Variants in TCF4 observed in about 807,000 individuals in gnomAD.
The protein encoded by TCF4 is SL3-3 enhancer factor 2.
Under a neutral mutation model 82.1 loss-of-function variants are expected in TCF4, and 3 were observed. The ratio of observed to expected loss-of-function variants is 0.04; its 90% CI spans 0.02 to 0.09. The LOEUF (loss-of-function observed/expected upper bound fraction) is 0.09, where lower values mean the gene tolerates loss of function less well. Ranked by LOEUF, TCF4 falls within the 10% of genes least tolerant of loss-of-function variation. TCF4 has a pLI of 1.00. For synonymous variants in TCF4, 276 were observed against 309.6 expected, an observed-to-expected ratio of 0.89 and a Z score of 1.14; for missense variants, 518 against 852.7, an observed-to-expected ratio of 0.61 and a Z score of 4.89.
At chr18:55,545,749 G>A (rs954119518) in intron 3 of TCF4, among the ~76,000 whole-genome samples, 4 of 151,846 alleles carry the variant, frequency 2.6e-5, no homozygotes, top group Non-Finnish European at 4.4e-5. Flanking sequence ...CACGCCCGGC[G>A]CCATTCACTT....
chr18:55,336,013 T>TGG (rs767481469), intron 8 of TCF4, among the ~76,000 whole-genome samples: 20 of 151,874 alleles, frequency 1.3e-4, no homozygotes, highest in Non-Finnish European at 2.5e-4. Context: ...AAAAGCCAGT[T>TGG]GGTCTACTTT....
At chr18:55,292,564 A>C (rs1435658712) in intron 8 of TCF4, among the ~76,000 whole-genome samples, 2 of 152,178 alleles carry the variant, frequency 1.3e-5, no homozygotes, top group Non-Finnish European at 2.9e-5. Flanking sequence ...AGGTTAAAAG[A>C]AGCAAGGAAT....
chr18:55,298,678 C>T (rs1008299682), intron 8 of TCF4, among the ~76,000 whole-genome samples: 27 of 152,196 alleles, frequency 1.8e-4, no homozygotes, highest in African/African-American at 6.0e-4. Flanking sequence ...CAAATAGCTA[C>T]TACTAAAACA....
At chr18:55,238,958 G>A (rs2144857225) in intron 15 of TCF4, among the ~76,000 whole-genome samples, 1 of 152,286 alleles carries the variant, frequency 6.6e-6, no homozygotes, top group Non-Finnish European at 1.5e-5. Context: ...AGCTACAAAC[G>A]AGGAAGGGGG....
chr18:55,295,548 C>T (rs2066282658), intron 8 of TCF4, among the ~76,000 whole-genome samples: 2 of 152,144 alleles, frequency 1.3e-5, no homozygotes, highest in Admixed American at 6.5e-5. Flanking sequence ...GCTTCTCTGA[C>T]TCTAAGTTTT....
At position 55,422,063 on chromosome 18, in the gene TCF4, C is replaced by A. The variant is rs188358218; in HGVS notation, c.305-18545G>T. On this transcript the variant is annotated intron_variant, in intron 5 of 19. Transcript: ENST00000354452. ...ATGGGCACATTCTCAAACTCTTACA[C>A]TAAACCACAAAGGGAATAGATTAAA... 1.1e-3 allele frequency: 544 copies of A among 473,954 alleles called. 1 individual carries two copies. The highest frequency in any genetic ancestry group is 1.3e-3 in the Non-Finnish European group (498 of 391,750). The allele number at this position is 473,954 out of a possible 1,614,324, so 29.4% of individuals were successfully genotyped here.
intron 18 of TCF4, 129 bp from the exon 19 acceptor site, chr18:55,228,490 T>A: frequency 3.0e-6 from 4 of 1,328,976 alleles, no homozygotes; most frequent in Non-Finnish European, 3.2e-6. Flanking sequence ...GAACAGTTAC[T>A]AAGTACTGTG....
chr18:55,279,515 C>T, intron 9 of TCF4, 36 bp downstream of exon 9: 1 of 1,613,272 alleles, frequency 6.2e-7, no homozygotes, highest in Non-Finnish European at 8.5e-7. Context: ...AAAATGCTAT[C>T]CAGTGGCCTT....
intron 17 of TCF4, 183 bp from the exon 18 acceptor site, chr18:55,229,259 C>T: frequency 1.5e-6 from 1 of 672,730 alleles, no homozygotes; most frequent in South Asian, 1.7e-5. Flanking sequence ...TCACAATACA[C>T]AAGATATTTG....
intron 15 of TCF4, among the ~76,000 whole-genome samples, chr18:55,239,568 G>A (rs1254671101): frequency 2.6e-5 from 4 of 152,020 alleles, no homozygotes; most frequent in African/African-American, 7.2e-5. Context: ...ATATATATAC[G>A]TACATATATA....
chr18:55,424,486 C>A (rs188005858), intron 5 of TCF4, among the ~76,000 whole-genome samples: 3 of 152,310 alleles, frequency 2.0e-5, no homozygotes, highest in African/African-American at 7.2e-5. Context: ...ACTCAGAATT[C>A]CTAACTCACA....
intron 5 of TCF4, among the ~76,000 whole-genome samples, chr18:55,424,463 C>A (rs28621717): frequency 0.014 from 2,126 of 152,300 alleles, 69 homozygotes; most frequent in African/African-American, 0.047. Context: ...TAGGGACAGG[C>A]TCCCTGCTTT....
chr18:55,595,401 G>A (rs1248824096), intron 2 of TCF4, among the ~76,000 whole-genome samples: 1 of 152,132 alleles, frequency 6.6e-6, no homozygotes, highest in African/African-American at 2.4e-5. Context: ...TTCAGTGCAT[G>A]TTCCCCCTTT....
chr18:55,591,751 A>T (rs1379635997), upstream of TCF4, among the ~76,000 whole-genome samples: 1 of 152,150 alleles, frequency 6.6e-6, no homozygotes, highest in African/African-American at 2.4e-5. Flanking sequence ...CCCTGACCTC[A>T]GGTGGTCTGC....
chr18:55,539,065 G>C (rs1461116693), intron 3 of TCF4, among the ~76,000 whole-genome samples: 2 of 151,512 alleles, frequency 1.3e-5, no homozygotes, highest in African/African-American at 4.8e-5. Flanking sequence ...AAAAAGCCTG[G>C]ATAAAACATG....
At chr18:55,518,377 A>C (rs1296811274) in intron 3 of TCF4, among the ~76,000 whole-genome samples, 1 of 152,208 alleles carries the variant, frequency 6.6e-6, no homozygotes, top group Non-Finnish European at 1.5e-5. Flanking sequence ...AGAAAATAGA[A>C]ACAAAAATGA....
rs866404334 is a variant in TCF4, at chr18:55,416,234, T to C, written c.305-12716A>G. Among the ~76,000 whole-genome samples, 7 of 151,974 alleles carry C rather than the reference T, an allele frequency of 4.6e-5. 1 individual carries two copies. The South Asian group carries it at 1.2e-3, about 27-fold the overall frequency. On this transcript the variant is annotated intron_variant, in intron 5 of 19. Transcript: ENST00000354452. ...CTGTTTTCCAAGCTTGTTGAAACAA[T>C]AGCACAAATTGAAAAAAAAATTAAC...
intron 2 of TCF4, among the ~76,000 whole-genome samples, chr18:55,614,516 C>T (rs1209415471): frequency 1.3e-5 from 2 of 152,092 alleles, no homozygotes; most frequent in African/African-American, 4.8e-5. Flanking sequence ...TTTGCATTTC[C>T]TCATTGACTA....
intron 8 of TCF4, among the ~76,000 whole-genome samples, chr18:55,318,180 C>T (rs2074617438): frequency 1.3e-5 from 2 of 151,986 alleles, no homozygotes; most frequent in South Asian, 2.1e-4. Context: ...CGTGGATATG[C>T]TATAATATTA....
Sources: gnomAD v4.1 joint callset for allele counts (sites outside exome capture counted in the v4.1 genomes callset) on GRCh38, gnomAD v4.1.1 for gene constraint, MANE v1.5 for transcripts, NCBI Gene and HGNC (gene_info 2026-07-23, HGNC 2026-07-21) for gene names.